The following LDLRAP1 variants were observed in gnomAD, a reference collection of about 807,000 sequenced individuals.
LDLRAP1 encodes low density lipoprotein receptor adapter protein 1.
In LDLRAP1, 30 loss-of-function variants were observed where a neutral mutation model predicts 37.8. The observed-to-expected ratio is 0.79, with a 90% CI of 0.59 to 1.08. LDLRAP1 has a LOEUF of 1.08. LDLRAP1 is among the 50% of genes least tolerant of loss of function. LDLRAP1 has a pLI of 0.00. For missense variants in LDLRAP1, 375 were observed against 401.6 expected (o/e 0.93, Z 0.57); for synonymous variants, 156 against 169.8 (o/e 0.92, Z 0.63).
intron 8 of LDLRAP1, 130 bp from the exon 9 acceptor site, chr1:25,566,718 C>T (rs1557712759): frequency 1.8e-6 from 2 of 1,128,686 alleles, no homozygotes; most frequent in Non-Finnish European, 2.6e-6. Flanking sequence ...GTTACTCCAC[C>T]TCCCCTGCAC....
chr1:25,569,499 C>A (rs1410394877), downstream of LDLRAP1, among the ~76,000 whole-genome samples: 1 of 152,090 alleles, frequency 6.6e-6, no homozygotes, highest in Non-Finnish European at 1.5e-5. Context: ...ACCTCTTGAG[C>A]CTTGATTTTC....
the LDLRAP1 span, among the ~76,000 whole-genome samples, chr1:25,576,054 C>A: frequency 1.3e-5 from 2 of 150,628 alleles, no homozygotes; most frequent in Non-Finnish European, 2.9e-5. Flanking sequence ...CATGGTGAAA[C>A]CCCATCTCTA....
the LDLRAP1 span, among the ~76,000 whole-genome samples, chr1:25,579,846 C>A: frequency 6.6e-6 from 1 of 152,166 alleles, no homozygotes; most frequent in Non-Finnish European, 1.5e-5. Context: ...CATCCCTGAA[C>A]GCTAACTGGA....
At chr1:25,565,007 T>C (rs944564599) in intron 7 of LDLRAP1, 166 bp from the exon 8 acceptor site, 71 of 719,548 alleles carry the variant, frequency 9.9e-5, no homozygotes, top group Admixed American at 2.9e-4. Flanking sequence ...GCTGAGATGC[T>C]GGCGATGCAC....
At chr1:25,547,565 G>A (rs981601535) in intron 1 of LDLRAP1, among the ~76,000 whole-genome samples, 97 of 152,210 alleles carry the variant, frequency 6.4e-4, no homozygotes, top group African/African-American at 2.2e-3. Flanking sequence ...GCTTAACCCC[G>A]CTGTGGGAAC....
chr1:25,588,615 T>C, the LDLRAP1 span, among the ~76,000 whole-genome samples: 1 of 152,154 alleles, frequency 6.6e-6, no homozygotes, highest in African/African-American at 2.4e-5. Context: ...CACATCCCCT[T>C]CTCTGAGAAA....
At chr1:25,578,942 G>A in the LDLRAP1 span, among the ~76,000 whole-genome samples, 1,477 of 152,296 alleles carry the variant, frequency 9.7e-3, 10 homozygotes, top group Non-Finnish European at 0.014. Flanking sequence ...AATTATGCTG[G>A]CATGCAGAAA....
chr1:25,570,047 G>A (rs1230516494), downstream of LDLRAP1, among the ~76,000 whole-genome samples: 1 of 152,182 alleles, frequency 6.6e-6, no homozygotes, highest in Non-Finnish European at 1.5e-5. Flanking sequence ...GTGGCTTGTG[G>A]GGGTCCACTT....
At chr1:25,548,266 G>A (rs1404930258) in intron 1 of LDLRAP1, among the ~76,000 whole-genome samples, 2 of 149,410 alleles carry the variant, frequency 1.3e-5, no homozygotes, top group African/African-American at 4.9e-5. Flanking sequence ...GTATGTACCA[G>A]ACAAGCTTCT....
intron 4 of LDLRAP1, among the ~76,000 whole-genome samples, chr1:25,558,947 G>A (rs868415183): frequency 2.0e-5 from 3 of 152,300 alleles, no homozygotes; most frequent in South Asian, 4.1e-4. Flanking sequence ...TGTTACCTTG[G>A]AGAAGATCCT....
chr1:25,575,021 G>A, the LDLRAP1 span, among the ~76,000 whole-genome samples: 149 of 152,164 alleles, frequency 9.8e-4, 2 homozygotes, highest in Admixed American at 2.7e-3. Context: ...TTGGGTTCAG[G>A]GTCTCCTCCC....
At chr1:25,572,411 C>A (rs559242010), downstream of LDLRAP1, among the ~76,000 whole-genome samples, 37 of 152,290 alleles carry the variant, frequency 2.4e-4, no homozygotes, top group African/African-American at 8.4e-4. Flanking sequence ...GGGTCTCCGT[C>A]ACACACAGCC....
At chr1:25,556,120 G>A (rs2044191934) in intron 3 of LDLRAP1, among the ~76,000 whole-genome samples, 1 of 152,142 alleles carries the variant, frequency 6.6e-6, no homozygotes, top group African/African-American at 2.4e-5. Context: ...TCTGCCCACC[G>A]GGGTGTTGAT....
Position 25,544,569 on chromosome 1 carries a change from G to GTC in LDLRAP1, c.88+785_88+786dup. 6.6e-6 allele frequency among the ~76,000 whole-genome samples: 1 copy of GTC among 152,322 alleles called. No homozygotes were observed. Among genetic ancestry groups the GTC allele is most frequent in the South Asian group, 2.1e-4 (1 of 4,830 alleles). On this transcript the variant is annotated intron_variant, in intron 1 of 8. Coordinates refer to ENST00000374338, the MANE Select transcript of LDLRAP1 (RefSeq NM_015627.3). This position sits in a 1 kb window ranked among gnomAD's most constrained non-coding sequence, Gnocchi z 4.8. ...ACTCGCCGCCACCTCTCCCTGGGGCGTCTGGGAGGCTGGGAGGGGCCTCCC... is the reference window on the plus strand; with the variant it reads ...ACTCGCCGCCACCTCTCCCTGGGGCGTCTCTGGGAGGCTGGGAGGGGCCTCCC...
chr1:25,556,865 T>C (rs144804842), intron 3 of LDLRAP1, among the ~76,000 whole-genome samples: 163 of 152,336 alleles, frequency 1.1e-3, no homozygotes, highest in African/African-American at 3.7e-3. Flanking sequence ...TGGTAAGGGT[T>C]CAGCTATTAC....
At chr1:25,577,287 C>A in the LDLRAP1 span, among the ~76,000 whole-genome samples, 1 of 152,148 alleles carries the variant, frequency 6.6e-6, no homozygotes, top group Admixed American at 6.5e-5. Context: ...AGGAGCAGAC[C>A]CAGCTGGGAG....
At chr1:25,572,633 C>G (rs1341028817), downstream of LDLRAP1, among the ~76,000 whole-genome samples, 1 of 152,132 alleles carries the variant, frequency 6.6e-6, no homozygotes, top group African/African-American at 2.4e-5. Flanking sequence ...GACTCACAGG[C>G]AGTTAAGAGA....
Position 25,567,159 on chromosome 1 carries a change from T to C in LDLRAP1, c.*167T>C. On this transcript the variant is annotated 3_prime_UTR_variant, in exon 9 of 9. Coordinates refer to ENST00000374338, the MANE Select transcript of LDLRAP1 (RefSeq NM_015627.3). ...GTCAGGCAGGGGAGAGATTTTTCTT[T>C]TAAGCCCTGCTCTTTCTCTGAGAAC... The C allele has an allele frequency of 1.3e-6, 1 of 791,294 alleles. No individual in the cohort carries two copies. The highest frequency in any genetic ancestry group is 2.1e-6 in the Non-Finnish European group (1 of 480,648). The allele number at this position is 791,294 out of a possible 1,614,324, so 49.0% of individuals were successfully genotyped here.
rs1166606399 is a variant in LDLRAP1, at chr1:25,568,450, C to G, written c.*1458C>G. 1 of 152,278 alleles carries G rather than the reference C, an allele frequency of 6.6e-6. No homozygotes were observed. Among genetic ancestry groups the G allele is most frequent in the Non-Finnish European group, 1.5e-5 (1 of 68,064 alleles). 9.4% of individuals were successfully genotyped at this position (152,278 alleles called of 1,614,324 possible). A position where few individuals can be genotyped will look rare whatever the true frequency, so the allele number is the denominator to read the frequency against. On this transcript the variant is annotated 3_prime_UTR_variant, in exon 9 of 9. Coordinates refer to ENST00000374338, the MANE Select transcript of LDLRAP1 (RefSeq NM_015627.3). ...CAGCATCTTTTCCATCCTGAGGTGC[C>G]TCCCAGTGGCCTGGCTTGTCGGAGC...
Sources: allele counts gnomAD v4.1 joint callset (sites outside exome capture counted in the v4.1 genomes callset), GRCh38; gene constraint gnomAD v4.1.1; non-coding constraint Gnocchi (gnomAD v3.1); transcripts MANE v1.5; gene names NCBI Gene and HGNC (gene_info 2026-07-23, HGNC 2026-07-21).